The following AMZ2 variants were observed in gnomAD, a reference collection of about 807,000 sequenced individuals.
The protein encoded by AMZ2 is archaemetzincin-2.
AMZ2 carries 26 observed loss-of-function variants against 36.7 expected under a neutral mutation model. That is an observed-to-expected ratio of 0.71 (90% CI 0.52 to 0.98). The LOEUF (loss-of-function observed/expected upper bound fraction) is 0.98. Among genes scored for constraint, AMZ2 ranks in the 50% least tolerant of loss-of-function variants. The probability of loss-of-function intolerance (pLI) is 0.00; values close to 1 mark genes in which losing one functional copy is unlikely to be tolerated. For synonymous variants in AMZ2, 144 were observed against 149.1 expected, an observed-to-expected ratio of 0.97 and a Z score of 0.25; for missense variants, 394 against 430.5, an observed-to-expected ratio of 0.92 and a Z score of 0.75.
Position 68,248,243 on chromosome 17 carries a change from C to G in AMZ2, c.-463C>G. On this transcript the variant is annotated 5_prime_UTR_variant, in exon 1 of 7. Coordinates refer to ENST00000359904, the MANE Select transcript of AMZ2 (RefSeq NM_016627.5). Reference sequence around the variant, plus strand: ...GTAGGAGGGGCGGACGTGGCGGAAGCCGCGGGGTCCGCGGGGTCGGTGCCT... The same window carrying G: ...GTAGGAGGGGCGGACGTGGCGGAAGGCGCGGGGTCCGCGGGGTCGGTGCCT... The G allele has an allele frequency of 3.0e-6, 3 of 985,794 alleles. No homozygotes were observed. Among genetic ancestry groups the G allele is most frequent in the South Asian group, 9.4e-5 (2 of 21,356 alleles). The allele number at this position is 985,794 out of a possible 1,614,324, so 61.1% of individuals were successfully genotyped here.
Position 68,214,788 on chromosome 17 carries a change from AT to A in AMZ2, c.-67+8563del, listed in dbSNP as rs35185659. ...TATCCTTATGAGTTAGTCTTTAACA[AT>A]TTTTTTTTTTTTGACAGGGTCTCAC... On this transcript the variant is annotated intron_variant, in intron 1 of 7. Coordinates refer to the AMZ2 transcript ENST00000674770. Among the ~76,000 whole-genome samples the A allele has an allele frequency of 2.0e-3, 301 of 147,212 alleles. 3 individuals are homozygous for A. Among genetic ancestry groups the A allele is most frequent in the African/African-American group, 5.4e-3 (218 of 40,006 alleles).
At chr17:68,233,495 C>T (rs1283386995) in intron 1 of AMZ2, among the ~76,000 whole-genome samples, 9 of 138,500 alleles carry the variant, frequency 6.5e-5, no homozygotes, top group Admixed American at 4.6e-4. Flanking sequence ...CCGACAAGAG[C>T]GAAACTATGT....
chr17:68,252,961 T>C (rs2144747449), intron 4 of AMZ2, among the ~76,000 whole-genome samples: 1 of 152,362 alleles, frequency 6.6e-6, no homozygotes, highest in East Asian at 1.9e-4. Context: ...TTCTTAAATA[T>C]TACATGACAT....
At chr17:68,219,904 C>T (rs1377226340) in intron 1 of AMZ2, among the ~76,000 whole-genome samples, 4 of 152,108 alleles carry the variant, frequency 2.6e-5, no homozygotes, top group African/African-American at 9.7e-5. Flanking sequence ...GCTGTGAACT[C>T]GACATTGCTA....
chr17:68,230,750 C>G (rs1375380100), intron 1 of AMZ2, among the ~76,000 whole-genome samples: 11 of 152,158 alleles, frequency 7.2e-5, no homozygotes, highest in African/African-American at 2.7e-4. Flanking sequence ...ATGCTGCTTA[C>G]CCCTTCCTCA....
In AMZ2 at chr17:68,255,646, G is replaced by A. The variant is rs144281239; in HGVS notation, c.751-54G>A. ...TGGAAAAGCAAGAAAAAGAAGAGAC[G>A]TGTAGCCTAATGTGATGGTGGTCTT... On this transcript the variant is annotated intron_variant, in intron 5 of 6. Coordinates refer to ENST00000359904, the MANE Select transcript of AMZ2 (RefSeq NM_016627.5). 611 of 1,551,556 alleles carry A rather than the reference G, an allele frequency of 3.9e-4. 2 individuals are homozygous for A. Among genetic ancestry groups the A allele is most frequent in the African/African-American group, 8.2e-4 (60 of 73,188 alleles).
At chr17:68,251,022 A>T in intron 3 of AMZ2, 28 bp from the exon 4 acceptor site, 1 of 1,606,742 alleles carries the variant, frequency 6.2e-7, no homozygotes, top group South Asian at 1.1e-5. Flanking sequence ...ATATACACTC[A>T]TACATTTATG....
chr17:68,230,773 C>T (rs1258342171), intron 1 of AMZ2, among the ~76,000 whole-genome samples: 1 of 152,122 alleles, frequency 6.6e-6, no homozygotes, highest in Non-Finnish European at 1.5e-5. Context: ...AAGCACTTCC[C>T]CTGGCATTGG....
In AMZ2 at chr17:68,254,400, G is replaced by GT. The variant is rs1384933688; in HGVS notation, c.587-3dup. The GT allele has an allele frequency of 1.3e-6, 2 of 1,597,488 alleles. No homozygotes were observed. The highest frequency in any genetic ancestry group is 1.7e-6 in the Non-Finnish European group (2 of 1,175,682). On this transcript the variant is annotated splice_region_variant and splice_polypyrimidine_tract_variant and intron_variant, in intron 4 of 6. Coordinates refer to ENST00000359904, the MANE Select transcript of AMZ2 (RefSeq NM_016627.5). ...TTCTGTCACTGTTTGTCCTTTTTTTGTAGGTGTGGGGATATTCAGCTTTGC... is the reference window on the plus strand; with the variant it reads ...TTCTGTCACTGTTTGTCCTTTTTTTGTTAGGTGTGGGGATATTCAGCTTTGC...
At chr17:68,247,776 C>G, upstream of AMZ2, 1 of 985,558 alleles carries the variant, frequency 1.0e-6, no homozygotes, top group Non-Finnish European at 1.2e-6. Context: ...TCTCGAGAAC[C>G]GGGCCGCGGA....
chr17:68,249,159 T>C (rs1324451865), intron 1 of AMZ2: 10 of 1,080,360 alleles, frequency 9.3e-6, no homozygotes, highest in African/African-American at 1.6e-5. Flanking sequence ...TTTGAGGCCA[T>C]AAACTTCAGT....
At chr17:68,213,752 C>T (rs561149859) in intron 1 of AMZ2, among the ~76,000 whole-genome samples, 1 of 152,064 alleles carries the variant, frequency 6.6e-6, no homozygotes, top group African/African-American at 2.4e-5. Context: ...TTTTATTGAA[C>T]GTTGGACTTC....
At chr17:68,233,234 C>T (rs1235211740) in intron 1 of AMZ2, among the ~76,000 whole-genome samples, 2 of 151,930 alleles carry the variant, frequency 1.3e-5, no homozygotes, top group Non-Finnish European at 1.5e-5. Context: ...CCTGGCTGGG[C>T]GTGGTGGCTC....
upstream of AMZ2, chr17:68,248,014 G>T: frequency 1.0e-6 from 1 of 986,404 alleles, no homozygotes; most frequent in Non-Finnish European, 1.2e-6. Flanking sequence ...GGCGTAAGGG[G>T]CGTGGCGCCA....
At position 68,235,016 on chromosome 17, in the gene AMZ2, T is replaced by TA. The variant is rs1374789161; in HGVS notation, c.-66-13616dup. Reference sequence around the variant, plus strand: ...GGCAACAAAAGCAAAACTCCAATCTTAAAAAAAAGAAAAAAGATAGGTAGA... The same window carrying TA: ...GGCAACAAAAGCAAAACTCCAATCTTAAAAAAAAAGAAAAAAGATAGGTAGA... On this transcript the variant is annotated intron_variant, in intron 1 of 7. Coordinates refer to the AMZ2 transcript ENST00000674770. This position sits in a 1 kb window ranked among gnomAD's most constrained non-coding sequence, Gnocchi z 4.2. 2.0e-5 allele frequency among the ~76,000 whole-genome samples: 3 copies of TA among 151,476 alleles called. No homozygotes were observed. The highest frequency in any genetic ancestry group is 2.9e-5 in the Non-Finnish European group (2 of 67,808).
At chr17:68,243,043 C>CAAA (rs35857340), upstream of AMZ2, among the ~76,000 whole-genome samples, 2,878 of 104,956 alleles carry the variant, frequency 0.027, 97 homozygotes, top group African/African-American at 0.079. Flanking sequence ...GGCTCTGTCT[C>CAAA]AAAAAAAAAA....
At chr17:68,255,109 G>T (rs573652299) in intron 5 of AMZ2, among the ~76,000 whole-genome samples, 2 of 152,174 alleles carry the variant, frequency 1.3e-5, no homozygotes, top group Admixed American at 1.3e-4. Flanking sequence ...ATTTGTTGGG[G>T]TTTGACAGCT....
At chr17:68,219,343 C>T (rs1555727996) in intron 1 of AMZ2, among the ~76,000 whole-genome samples, 3 of 152,178 alleles carry the variant, frequency 2.0e-5, no homozygotes, top group African/African-American at 7.2e-5. Context: ...TTGCCCCACA[C>T]CTCTCACCTC....
chr17:68,229,267 C>T (rs1448829582), intron 1 of AMZ2, among the ~76,000 whole-genome samples: 1 of 152,118 alleles, frequency 6.6e-6, no homozygotes, highest in East Asian at 1.9e-4. Context: ...GATGTTTCCT[C>T]TCTGGGGAAG....
Sources: gnomAD v4.1 joint callset for allele counts (sites outside exome capture counted in the v4.1 genomes callset) on GRCh38, gnomAD v4.1.1 for gene constraint, Gnocchi (gnomAD v3.1) non-coding constraint, MANE v1.5 for transcripts, NCBI Gene and HGNC (gene_info 2026-07-23, HGNC 2026-07-21) for gene names.